The following HTR1F variants were observed in gnomAD, a reference collection of about 807,000 sequenced individuals.
HTR1F encodes 5-hydroxytryptamine (serotonin) receptor 1F, G protein-coupled.
Under a neutral mutation model 24.0 loss-of-function variants are expected in HTR1F, and 17 were observed. The observed-to-expected ratio is 0.71, with a 90% CI of 0.48 to 1.06. The LOEUF is 1.06. HTR1F is among the 50% of genes least tolerant of loss of function. The pLI is 0.00. For synonymous variants in HTR1F, 186 were observed against 156.8 expected, an observed-to-expected ratio of 1.19 and a Z score of -1.39; for missense variants, 391 against 427.8, an observed-to-expected ratio of 0.91 and a Z score of 0.76.
At chr3:87,853,892 CCA>C (rs1182958060) in intron 2 of HTR1F, among the ~76,000 whole-genome samples, 1 of 151,948 alleles carries the variant, frequency 6.6e-6, no homozygotes, top group East Asian at 1.9e-4. Flanking sequence ...TGTTCTTTGT[CCA>C]CTTTTTAATG....
chr3:87,931,823 T>A (rs1704280574), intron 2 of HTR1F, among the ~76,000 whole-genome samples: 1 of 149,656 alleles, frequency 6.7e-6, no homozygotes, highest in Non-Finnish European at 1.5e-5. Context: ...TCTTCATGTG[T>A]CTTTTGGCTG....
At chr3:87,874,380 T>C (rs1489335863) in intron 2 of HTR1F, among the ~76,000 whole-genome samples, 1 of 152,004 alleles carries the variant, frequency 6.6e-6, no homozygotes, top group Non-Finnish European at 1.5e-5. Flanking sequence ...AAGAAAACAG[T>C]CCCACTTACC....
intron 2 of HTR1F, among the ~76,000 whole-genome samples, chr3:87,972,082 T>G (rs576569490): frequency 5.3e-5 from 8 of 152,314 alleles, no homozygotes; most frequent in Non-Finnish European, 1.2e-4. Context: ...CATTCATTTA[T>G]TAAATAATGT....
At chr3:87,897,793 C>T (rs983035097) in intron 2 of HTR1F, among the ~76,000 whole-genome samples, 1 of 152,112 alleles carries the variant, frequency 6.6e-6, no homozygotes, top group Admixed American at 6.6e-5. Flanking sequence ...TCACTTCCAT[C>T]CTATCTTCCC....
At chr3:87,866,355 T>C (rs921628276) in intron 2 of HTR1F, among the ~76,000 whole-genome samples, 7 of 152,184 alleles carry the variant, frequency 4.6e-5, no homozygotes, top group Non-Finnish European at 7.3e-5. Flanking sequence ...TTCAGAGTCC[T>C]GATGGAGAGA....
At chr3:87,928,597 T>C (rs1704185339) in intron 2 of HTR1F, among the ~76,000 whole-genome samples, 1 of 152,214 alleles carries the variant, frequency 6.6e-6, no homozygotes, top group Admixed American at 6.6e-5. Flanking sequence ...TTTGCCATGG[T>C]GCATACATAA....
At chr3:87,923,821 T>C (rs1423891450) in intron 2 of HTR1F, among the ~76,000 whole-genome samples, 1 of 152,086 alleles carries the variant, frequency 6.6e-6, no homozygotes, top group Non-Finnish European at 1.5e-5. Flanking sequence ...GTTGAACCAA[T>C]CTTGCATCTT....
chr3:87,794,697 T>C (rs1219809015), intron 1 of HTR1F, among the ~76,000 whole-genome samples: 1 of 152,198 alleles, frequency 6.6e-6, no homozygotes, highest in East Asian at 1.9e-4. Context: ...AACTTATTTG[T>C]TGGAATGAGG....
chr3:87,935,526 G>A (rs1436715212), intron 2 of HTR1F, among the ~76,000 whole-genome samples: 10 of 151,154 alleles, frequency 6.6e-5, no homozygotes, highest in South Asian at 2.1e-4. Context: ...AAGGTCTTCC[G>A]CTAAATGAAA....
chr3:87,843,856 C>G (rs1274217696), intron 2 of HTR1F, among the ~76,000 whole-genome samples: 1 of 151,738 alleles, frequency 6.6e-6, no homozygotes, highest in Admixed American at 6.6e-5. Flanking sequence ...AGGACATGAA[C>G]GCATCATTTT....
intron 2 of HTR1F, among the ~76,000 whole-genome samples, chr3:87,945,444 T>A (rs1019541199): frequency 6.6e-6 from 1 of 152,130 alleles, no homozygotes; most frequent in Admixed American, 6.6e-5. Flanking sequence ...TTCAAGAAAG[T>A]CGTGTTTGGG....
chr3:87,865,202 T>G (rs769338426), intron 2 of HTR1F, among the ~76,000 whole-genome samples: 8 of 151,916 alleles, frequency 5.3e-5, no homozygotes, highest in East Asian at 1.9e-4. Flanking sequence ...AACAATGTGG[T>G]TTTTTTTGCC....
intron 2 of HTR1F, among the ~76,000 whole-genome samples, chr3:87,972,574 C>T (rs534115256): frequency 6.6e-5 from 10 of 152,284 alleles, no homozygotes; most frequent in African/African-American, 2.2e-4. Context: ...CTCATGATAC[C>T]TTAGTCTCAA....
chr3:87,982,554 C>G (rs1705568078), intron 2 of HTR1F, among the ~76,000 whole-genome samples: 1 of 152,188 alleles, frequency 6.6e-6, no homozygotes, highest in Admixed American at 6.5e-5. Flanking sequence ...GGCTACTTAG[C>G]TATAATCCAG....
chr3:87,881,039 C>G (rs1244155473), intron 2 of HTR1F, among the ~76,000 whole-genome samples: 1 of 152,192 alleles, frequency 6.6e-6, no homozygotes, highest in Non-Finnish European at 1.5e-5. Context: ...TTCTGCATTT[C>G]CAACTTAGGT....
At chr3:87,909,333 G>A (rs889629529) in intron 2 of HTR1F, among the ~76,000 whole-genome samples, 2 of 152,018 alleles carry the variant, frequency 1.3e-5, no homozygotes, top group African/African-American at 4.8e-5. Flanking sequence ...TAGCCAATGT[G>A]CTTCAGTATA....
At chr3:87,862,697 GTC>G (rs1705342472) in intron 2 of HTR1F, among the ~76,000 whole-genome samples, 1 of 152,124 alleles carries the variant, frequency 6.6e-6, no homozygotes, top group Non-Finnish European at 1.5e-5. Context: ...CTAATGAAAA[GTC>G]TGCAATCATT....
At chr3:87,793,325 G>C (rs1019781558) in intron 1 of HTR1F, 25 of 152,264 alleles carry the variant, frequency 1.6e-4, no homozygotes, top group Admixed American at 6.5e-4. Flanking sequence ...GGATTCGCGG[G>C]GGGGACGGTA....
chr3:87,887,149 C>G (rs1705967913), intron 2 of HTR1F, among the ~76,000 whole-genome samples: 1 of 152,108 alleles, frequency 6.6e-6, no homozygotes, highest in Non-Finnish European at 1.5e-5. Flanking sequence ...TGGAACAGAA[C>G]AGAGGCCTCA....
Sources: gnomAD v4.1 joint callset for allele counts (sites outside exome capture counted in the v4.1 genomes callset) on GRCh38, gnomAD v4.1.1 for gene constraint, MANE v1.5 for transcripts, NCBI Gene and HGNC (gene_info 2026-07-23, HGNC 2026-07-21) for gene names.